CD8A: variants seen among roughly 807,000 people sequenced by gnomAD.
CD8A encodes the protein CD8 subunit alpha.
In CD8A, 25 loss-of-function variants were observed where a neutral mutation model predicts 24.2. That is an observed-to-expected ratio of 1.03 (90% CI 0.75 to 1.44). CD8A has a LOEUF of 1.44. Ranked by LOEUF, CD8A falls within the 40% of genes most tolerant of loss-of-function variation. The pLI is 0.00. For synonymous variants in CD8A, 165 were observed against 149.9 expected (o/e 1.10, Z -0.74); for missense variants, 360 against 319.7 (o/e 1.13, Z -0.96).
Position 86,789,674 on chromosome 2 carries a change from G to A in CD8A, c.480C>T (p.Arg160=). The A allele has an allele frequency of 6.8e-7, 1 of 1,466,398 alleles. No homozygotes were observed. The highest frequency in any genetic ancestry group is 9.0e-7 in the Non-Finnish European group (1 of 1,115,888). 90.8% of individuals were successfully genotyped at this position (1,466,398 alleles called of 1,614,324 possible). A position where few individuals can be genotyped will look rare whatever the true frequency, so the allele number is the denominator to read the frequency against. Residue 160 remains arginine (R), a synonymous_variant, in exon 3 of 6, where the codon CGC becomes CGT. Transcript: ENST00000283635. ...CCGCCGCTGGCCGGCACGCCTCTGG[G>A]CGCAGGGACAGGGGCTGCGACGCGA... The part of the protein sequence containing the change: ...PTIASQPLSL[R]PEACRPAAGG...
intron 2 of CD8A, among the ~76,000 whole-genome samples, chr2:86,806,902 A>G (rs1266831970): frequency 6.6e-6 from 1 of 152,178 alleles, no homozygotes; most frequent in Non-Finnish European, 1.5e-5. Context: ...CTACTTTTTT[A>G]AAGTTTCTAT....
chr2:86,785,688 G>A lies in CD8A; in HGVS notation c.*232C>T. The A allele has an allele frequency of 1.4e-6, 1 of 693,472 alleles. No homozygotes were observed. The highest frequency in any genetic ancestry group is 2.6e-6 in the Non-Finnish European group (1 of 379,506). The allele number at this position is 693,472 out of a possible 1,614,324, so 43.0% of individuals were successfully genotyped here. ...CCTGCCCCTTTCCACGCCCTACCGC[G>A]ATGTGCGCACAACAGTATTGTGACC... On this transcript the variant is annotated 3_prime_UTR_variant, in exon 6 of 6. Coordinates refer to ENST00000283635, the MANE Select transcript of CD8A (RefSeq NM_001768.7).
chr2:86,803,890 C>T (rs1399952712), intron 2 of CD8A, among the ~76,000 whole-genome samples: 2 of 152,162 alleles, frequency 1.3e-5, no homozygotes, highest in African/African-American at 2.4e-5. Context: ...GAGAATAAAA[C>T]AGTGGTTATC....
intron 3 of CD8A, 77 bp downstream of exon 3, chr2:86,789,563 C>G: frequency 3.1e-6 from 4 of 1,306,292 alleles, no homozygotes; most frequent in Non-Finnish European, 4.3e-6. Context: ...ACTCTACCTA[C>G]AGTATCAGGG....
In CD8A at chr2:86,785,827, AG is replaced by A. The variant is rs768502984; in HGVS notation, c.*92del. The stretch of plus-strand genomic sequence containing the variant: ...ATAATAATCATGAGAATGAATACAC[AG>A]GGAGGAAGACTGGAAAAAATGAAAG... On this transcript the variant is annotated 3_prime_UTR_variant, in exon 6 of 6. Coordinates refer to ENST00000283635, the MANE Select transcript of CD8A (RefSeq NM_001768.7). The A allele has an allele frequency of 6.6e-6, 6 of 905,144 alleles. No homozygotes were observed. The South Asian group carries it at 7.8e-5, about 12-fold the overall frequency. The allele number at this position is 905,144 out of a possible 1,614,324, so 56.1% of individuals were successfully genotyped here.
chr2:86,804,771 C>A (rs1372304141), intron 2 of CD8A, among the ~76,000 whole-genome samples: 1 of 150,406 alleles, frequency 6.6e-6, no homozygotes, highest in Admixed American at 6.6e-5. Context: ...CAGGGGTGAG[C>A]CATTCACTGT....
At chr2:86,796,753 GC>G (rs1438057082) in intron 3 of CD8A, among the ~76,000 whole-genome samples, 2 of 152,058 alleles carry the variant, frequency 1.3e-5, no homozygotes, top group African/African-American at 4.8e-5. Context: ...CAACTATCAG[GC>G]CTCCCAGATG....
chr2:86,793,614 T>A (rs562819324), upstream of CD8A, among the ~76,000 whole-genome samples: 1 of 152,342 alleles, frequency 6.6e-6, no homozygotes, highest in Admixed American at 6.5e-5. Context: ...CAAATGGCCC[T>A]GCTGGCCAAA....
At chr2:86,802,314 A>G (rs1012027483) in intron 2 of CD8A, among the ~76,000 whole-genome samples, 4 of 152,228 alleles carry the variant, frequency 2.6e-5, no homozygotes, top group Non-Finnish European at 5.9e-5. Flanking sequence ...CTGGGATTAC[A>G]GGTGTGAGCC....
chr2:86,790,585 T>G lies in CD8A; in HGVS notation c.146A>C (p.Asn49Thr). 6.2e-7 allele frequency: 1 copy of G among 1,611,852 alleles called. No individual in the cohort carries two copies. Among genetic ancestry groups the G allele is most frequent in the Non-Finnish European group, 8.5e-7 (1 of 1,179,764 alleles). ...VELKCQVLLS[N>T]PTSGCSWLFQ... is the part of the protein sequence containing the mutation. ...GAGCCACGAGCAGCCCGACGTCGGGTTGGACAGCAGCACCTGGCACTTCAG... is the reference window on the plus strand; with the variant it reads ...GAGCCACGAGCAGCCCGACGTCGGGGTGGACAGCAGCACCTGGCACTTCAG... The change falls in exon 2 of 6, where the codon AAC becomes ACC. Residue 49 changes from asparagine to threonine, a missense_variant. Coordinates refer to ENST00000283635, the MANE Select transcript of CD8A (RefSeq NM_001768.7).
intron 3 of CD8A, among the ~76,000 whole-genome samples, chr2:86,800,761 A>G (rs1346813855): frequency 6.6e-6 from 1 of 152,198 alleles, no homozygotes; most frequent in Non-Finnish European, 1.5e-5. Context: ...GGCCTTCTAG[A>G]TTTGGCAACT....
chr2:86,789,876 A>T (rs1673199070), intron 2 of CD8A, 126 bp from the exon 3 acceptor site: 2 of 591,688 alleles, frequency 3.4e-6, no homozygotes, highest in Non-Finnish European at 5.5e-6. Flanking sequence ...GGGATAGCAG[A>T]GGAGACAGGA....
At chr2:86,805,731 T>C (rs771542083) in intron 2 of CD8A, among the ~76,000 whole-genome samples, 4 of 152,174 alleles carry the variant, frequency 2.6e-5, no homozygotes, top group Admixed American at 6.5e-5. Flanking sequence ...TTTTTGATGC[T>C]TAGAGAACCT....
chr2:86,790,217 A>G (rs1177555687), intron 2 of CD8A, 111 bp downstream of exon 2: 4 of 806,342 alleles, frequency 5.0e-6, no homozygotes, highest in Non-Finnish European at 8.6e-6. Context: ...ACAGTATCTA[A>G]GTCGCTTCCA....
chr2:86,786,074 G>C, intron 5 of CD8A, 103 bp from the exon 6 acceptor site: 1 of 918,978 alleles, frequency 1.1e-6, no homozygotes, highest in Non-Finnish European at 1.8e-6. Flanking sequence ...TGAAAGGTCT[G>C]AGAACCTGTT....
Position 86,785,786 on chromosome 2 carries a change from C to T in CD8A, c.*134G>A, listed in dbSNP as rs1057210540. ...CATAAAGAAAAAGTAATCTTTCCCA[C>T]CCCGCCCCCACTAAAATAATAATCA... On this transcript the variant is annotated 3_prime_UTR_variant, in exon 6 of 6. Transcript: ENST00000283635. The T allele has an allele frequency of 3.7e-6, 3 of 807,454 alleles. No homozygotes were observed. The highest frequency in any genetic ancestry group is 6.8e-6 in the Non-Finnish European group (3 of 443,580). 50.0% of individuals were successfully genotyped at this position (807,454 alleles called of 1,614,324 possible).
At chr2:86,799,146 G>C (rs764869610) in intron 3 of CD8A, among the ~76,000 whole-genome samples, 1 of 152,128 alleles carries the variant, frequency 6.6e-6, no homozygotes, top group Non-Finnish European at 1.5e-5. Flanking sequence ...TAATTTTAAG[G>C]AAATTGTTTT....
chr2:86,792,894 G>GT (rs1673359181), upstream of CD8A, among the ~76,000 whole-genome samples: 1 of 151,070 alleles, frequency 6.6e-6, no homozygotes, highest in Non-Finnish European at 1.5e-5. Context: ...CATGGAACAT[G>GT]TAACATTTTA....
In CD8A at chr2:86,790,842, C is replaced by A. The variant is rs142374955; in HGVS notation, c.-17G>T. ...TAAGGCCATGACGCGCTCCCCAGGA[C>A]GCTGCTTGGCTCGAAGCTCGGGCGC... On this transcript the variant is annotated 5_prime_UTR_variant, in exon 1 of 6. Coordinates refer to ENST00000283635, the MANE Select transcript of CD8A (RefSeq NM_001768.7). The A allele has an allele frequency of 6.5e-7, 1 of 1,539,624 alleles. No individual in the cohort carries two copies.
Sources: allele counts gnomAD v4.1 joint callset (sites outside exome capture counted in the v4.1 genomes callset), GRCh38; gene constraint gnomAD v4.1.1; transcripts MANE v1.5; gene names NCBI Gene and HGNC (gene_info 2026-07-23, HGNC 2026-07-21).